The following HORMAD2 variants were observed in gnomAD, a reference collection of about 807,000 sequenced individuals.
The protein encoded by HORMAD2 is HORMA domain-containing protein 2.
HORMAD2 carries 45 observed loss-of-function variants against 38.8 expected under a neutral mutation model. That is an observed-to-expected ratio of 1.16 (90% confidence interval 0.91 to 1.49). The LOEUF (loss-of-function observed/expected upper bound fraction) is 1.49. HORMAD2 is among the 40% of genes most tolerant of loss of function. The pLI is 0.00. For synonymous variants in HORMAD2, 126 were observed against 122.8 expected (o/e 1.03, Z -0.17); for missense variants, 338 against 367.0 (o/e 0.92, Z 0.65).
the HORMAD2 span, among the ~76,000 whole-genome samples, chr22:30,196,930 A>G: frequency 1.3e-5 from 2 of 152,186 alleles, no homozygotes; most frequent in African/African-American, 2.4e-5. Flanking sequence ...TTTACTCTCA[A>G]TGTAAATGAG....
intron 10 of HORMAD2, among the ~76,000 whole-genome samples, chr22:30,130,296 C>T (rs995864573): frequency 2.6e-4 from 40 of 152,094 alleles, no homozygotes; most frequent in African/African-American, 8.9e-4. Context: ...GTGCTATTCA[C>T]TTTCTGGTGT....
chr22:30,092,277 G>A (rs980399794), intron 1 of HORMAD2, among the ~76,000 whole-genome samples: 1 of 150,254 alleles, frequency 6.7e-6, no homozygotes, highest in East Asian at 1.9e-4. Flanking sequence ...ATCATGTTGA[G>A]CATTTTTTCA....
Position 30,122,040 on chromosome 22 carries a change from T to C in HORMAD2, c.645T>C (p.Pro215=). ...NSHFLLFDKE[P]INVQVGFVST... ...ACTTCCTGCTGTTTGACAAGGAGCCTATCAACGTGCAAGTGGGATTTGTCT... is the reference window on the plus strand; with the variant it reads ...ACTTCCTGCTGTTTGACAAGGAGCCCATCAACGTGCAAGTGGGATTTGTCT... Residue 215 remains proline, a synonymous_variant, in exon 10 of 11, where the codon CCT becomes CCC. Transcript: ENST00000336726. 1 of 1,613,446 alleles carries C rather than the reference T, an allele frequency of 6.2e-7. No homozygotes were observed. The highest frequency in any genetic ancestry group is 1.7e-5 in the Admixed American group (1 of 59,888).
At chr22:30,171,197 T>C (rs1218242850) in intron 10 of HORMAD2, among the ~76,000 whole-genome samples, 1 of 152,188 alleles carries the variant, frequency 6.6e-6, no homozygotes, top group Non-Finnish European at 1.5e-5. Context: ...TCCACACCCA[T>C]GGCATTAGTT....
At chr22:30,110,758 C>G (rs553149829) in intron 5 of HORMAD2, among the ~76,000 whole-genome samples, 21 of 152,200 alleles carry the variant, frequency 1.4e-4, no homozygotes, top group Non-Finnish European at 2.4e-4. Flanking sequence ...CTTTGAACAA[C>G]ATGGGTTTGA....
At chr22:30,187,836 T>C in the HORMAD2 span, among the ~76,000 whole-genome samples, 1 of 152,168 alleles carries the variant, frequency 6.6e-6, no homozygotes, top group Admixed American at 6.5e-5. Context: ...TTCAAAGCAT[T>C]TCATTTACGT....
chr22:30,178,662 A>C (rs1195613445), downstream of HORMAD2, among the ~76,000 whole-genome samples: 2 of 152,226 alleles, frequency 1.3e-5, no homozygotes, highest in Non-Finnish European at 2.9e-5. Flanking sequence ...CACTTTAGTG[A>C]AAAGAATGAA....
intron 10 of HORMAD2, among the ~76,000 whole-genome samples, chr22:30,139,866 A>G (rs1923950961): frequency 6.6e-6 from 1 of 152,034 alleles, no homozygotes; most frequent in African/African-American, 2.4e-5. Context: ...TTCTTTTGAT[A>G]TAATGTATTA....
chr22:30,198,630 G>T, the HORMAD2 span, among the ~76,000 whole-genome samples: 6 of 151,932 alleles, frequency 3.9e-5, no homozygotes, highest in Admixed American at 3.9e-4. Context: ...AGCCACATTT[G>T]CCAGCTCCTT....
At chr22:30,174,627 G>A (rs772131171) in intron 10 of HORMAD2, among the ~76,000 whole-genome samples, 5 of 152,104 alleles carry the variant, frequency 3.3e-5, no homozygotes, top group Non-Finnish European at 5.9e-5. Context: ...TAAACCATCA[G>A]GTCAACTGGT....
chr22:30,143,293 A>AATT (rs1779115701), intron 10 of HORMAD2, among the ~76,000 whole-genome samples: 1 of 152,146 alleles, frequency 6.6e-6, no homozygotes, highest in South Asian at 2.1e-4. Flanking sequence ...AGTCGGTTTG[A>AATT]ATTATTGTGT....
rs186416194 is a variant in HORMAD2 at position 30,090,117 on chromosome 22, C to T, written c.-37-3799C>T. 3.9e-5 allele frequency among the ~76,000 whole-genome samples: 6 copies of T among 152,286 alleles called. No homozygotes were observed. In the East Asian group the frequency reaches 9.7e-4, roughly 24 times the overall value. On this transcript the variant is annotated intron_variant, in intron 1 of 10. Coordinates refer to ENST00000336726, the MANE Select transcript of HORMAD2 (RefSeq NM_152510.4). ...GTGGCTCATGCCTATAATCCCAGCA[C>T]ACTGGGAGGATGAGGCGGGTGGATT... is the stretch of plus-strand genomic sequence containing the variant.
At chr22:30,093,871 A>T in intron 1 of HORMAD2, 45 bp from the exon 2 acceptor site, 4 of 936,440 alleles carry the variant, frequency 4.3e-6, no homozygotes, top group Non-Finnish European at 6.5e-6. Flanking sequence ...GAGAGGAAGC[A>T]TTATATTTGG....
chr22:30,171,340 G>A lies in HORMAD2; in HGVS notation c.820-4723G>A, dbSNP rs535075917. ...TTTTGTAGGCACTCCAAATTCAGCAGGTTCAAAACTCCCATTGTTCTCGAC... is the reference window on the plus strand; with the variant it reads ...TTTTGTAGGCACTCCAAATTCAGCAAGTTCAAAACTCCCATTGTTCTCGAC... On this transcript the variant is annotated intron_variant, in intron 10 of 10. Coordinates refer to ENST00000336726, the MANE Select transcript of HORMAD2 (RefSeq NM_152510.4). 3.9e-4 allele frequency among the ~76,000 whole-genome samples: 59 copies of A among 152,248 alleles called. 1 individual carries two copies. The highest frequency in any genetic ancestry group is 1.2e-3 in the South Asian group (6 of 4,818).
chr22:30,193,499 G>T, the HORMAD2 span, among the ~76,000 whole-genome samples: 5 of 152,166 alleles, frequency 3.3e-5, no homozygotes, highest in Admixed American at 6.5e-5. Flanking sequence ...GTGGGGAAGG[G>T]TCAGAAGGGA....
At chr22:30,184,701 T>G in the HORMAD2 span, 1 of 152,222 alleles carries the variant, frequency 6.6e-6, no homozygotes, top group East Asian at 1.9e-4. Context: ...TTTGACACCG[T>G]GCTGCCTAAA....
At chr22:30,195,909 A>G in the HORMAD2 span, among the ~76,000 whole-genome samples, 1 of 152,238 alleles carries the variant, frequency 6.6e-6, no homozygotes. Flanking sequence ...GGTGGGGAGA[A>G]CTGTTTGAGC....
At chr22:30,163,428 T>G (rs1925576796) in intron 10 of HORMAD2, among the ~76,000 whole-genome samples, 1 of 152,198 alleles carries the variant, frequency 6.6e-6, no homozygotes, top group African/African-American at 2.4e-5. Context: ...TTTTCTTTTC[T>G]TTTTTTGTTT....
intron 10 of HORMAD2, among the ~76,000 whole-genome samples, chr22:30,145,499 G>A (rs1402855868): frequency 6.6e-6 from 1 of 152,006 alleles, no homozygotes; most frequent in African/African-American, 2.4e-5. Context: ...AATGGAAGGA[G>A]TTTTTGAAAA....
Sources: allele counts gnomAD v4.1 joint callset (sites outside exome capture counted in the v4.1 genomes callset), GRCh38; gene constraint gnomAD v4.1.1; transcripts MANE v1.5; gene names NCBI Gene and HGNC (gene_info 2026-07-23, HGNC 2026-07-21).